ACTR3: variants seen among roughly 807,000 people sequenced by gnomAD.
ACTR3 encodes the protein actin related protein 3.
ACTR3 carries 12 observed loss-of-function variants against 56.8 expected under a neutral mutation model. That is an observed-to-expected ratio of 0.21 (90% CI 0.14 to 0.34). The LOEUF (loss-of-function observed/expected upper bound fraction) is 0.34. Ranked by LOEUF, ACTR3 falls within the 10% of genes least tolerant of loss-of-function variation. The pLI, the probability that ACTR3 is intolerant of heterozygous loss-of-function variation, is 1.00. For missense variants in ACTR3, 282 were observed against 512.5 expected, an observed-to-expected ratio of 0.55 and a Z score of 4.34; for synonymous variants, 162 against 167.4, an observed-to-expected ratio of 0.97 and a Z score of 0.25.
At chr2:113,903,158 A>G (rs1295674286) in intron 1 of ACTR3, among the ~76,000 whole-genome samples, 1 of 152,172 alleles carries the variant, frequency 6.6e-6, no homozygotes, top group African/African-American at 2.4e-5. Flanking sequence ...CCATTTCCCA[A>G]TACCTGGCAA....
chr2:113,935,237 C>T (rs10194568), intron 6 of ACTR3, among the ~76,000 whole-genome samples: 1 of 152,016 alleles, frequency 6.6e-6, no homozygotes, highest in African/African-American at 2.4e-5. Flanking sequence ...ATACAATTCA[C>T]TTCTTTAGAG....
chr2:113,932,121 TA>T (rs1294051055), intron 5 of ACTR3, among the ~76,000 whole-genome samples: 3 of 152,216 alleles, frequency 2.0e-5, no homozygotes, highest in Non-Finnish European at 2.9e-5. Context: ...CTGGTTTTTG[TA>T]ACTCCACGGT....
intron 1 of ACTR3, among the ~76,000 whole-genome samples, chr2:113,910,837 T>C (rs556761996): frequency 2.6e-5 from 4 of 152,302 alleles, no homozygotes; most frequent in African/African-American, 7.2e-5. Context: ...TTGTCCTGTT[T>C]TAGGGTATTG....
chr2:113,890,528 G>GCGGGCC, intron 1 of ACTR3: 2 of 1,358,168 alleles, frequency 1.5e-6, no homozygotes, highest in Non-Finnish European at 1.9e-6. Flanking sequence ...GGGCGGGGGC[G>GCGGGCC]CGGGCCCGAG....
rs1478897687 is a variant in ACTR3 at position 113,959,915 on chromosome 2, A to G, written c.*2460A>G. 6.6e-6 allele frequency: 1 copy of G among 152,012 alleles called. No individual in the cohort carries two copies. The highest frequency in any genetic ancestry group is 1.5e-5 in the Non-Finnish European group (1 of 67,920). The allele number at this position is 152,012 out of a possible 1,614,324, so 9.4% of individuals were successfully genotyped here. On this transcript the variant is annotated 3_prime_UTR_variant, in exon 12 of 12. Coordinates refer to ENST00000263238, the MANE Select transcript of ACTR3 (RefSeq NM_005721.5). The stretch of plus-strand genomic sequence containing the variant: ...AAAACTTGGAAAATATATTTGTATT[A>G]TTTTGGACAAATTATTTGAACTCTC...
intron 3 of ACTR3, among the ~76,000 whole-genome samples, chr2:113,925,933 G>A (rs550776292): frequency 6.6e-6 from 1 of 152,292 alleles, no homozygotes; most frequent in Non-Finnish European, 1.5e-5. Context: ...AACTTTCTCA[G>A]TGCCGTTAGG....
chr2:113,933,556 G>A (rs541951506), intron 5 of ACTR3, among the ~76,000 whole-genome samples: 84 of 152,166 alleles, frequency 5.5e-4, no homozygotes, highest in African/African-American at 2.0e-3. Context: ...GTTGTTTATA[G>A]CCATATATGT....
intron 1 of ACTR3, among the ~76,000 whole-genome samples, chr2:113,899,301 G>C (rs1679059250): frequency 6.6e-6 from 1 of 152,118 alleles, no homozygotes. Context: ...AATCTCCACT[G>C]ATGCATTACT....
intron 5 of ACTR3, 47 bp from the exon 6 acceptor site, chr2:113,934,232 G>GTTTTTTTTTT (rs5833524): frequency 1.8e-5 from 17 of 955,142 alleles, no homozygotes; most frequent in East Asian, 9.6e-5. Flanking sequence ...TTGTTTTTTT[G>GTTTTTTTTTT]TTTTTTTTTT....
intron 1 of ACTR3, among the ~76,000 whole-genome samples, chr2:113,912,051 GT>G (rs1679317029): frequency 6.6e-6 from 1 of 151,802 alleles, no homozygotes; most frequent in South Asian, 2.1e-4. Context: ...AATTTCTATA[GT>G]TTTAGTAGCG....
chr2:113,907,209 G>A (rs2104588212), intron 1 of ACTR3, among the ~76,000 whole-genome samples: 1 of 152,318 alleles, frequency 6.6e-6, no homozygotes, highest in African/African-American at 2.4e-5. Context: ...TTTGCTAAAT[G>A]TAACTTAGAG....
intron 1 of ACTR3, among the ~76,000 whole-genome samples, chr2:113,907,208 T>C (rs1679211410): frequency 6.6e-6 from 1 of 152,234 alleles, no homozygotes. Flanking sequence ...TTTTGCTAAA[T>C]GTAACTTAGA....
intron 10 of ACTR3, chr2:113,954,926 T>C (rs1259039304): frequency 1.3e-5 from 2 of 152,174 alleles, no homozygotes; most frequent in Non-Finnish European, 2.9e-5. Context: ...ATTCTCTACA[T>C]AAATTAAAAC....
At chr2:113,911,821 C>T (rs1679311257) in intron 1 of ACTR3, among the ~76,000 whole-genome samples, 1 of 151,942 alleles carries the variant, frequency 6.6e-6, no homozygotes, top group Non-Finnish European at 1.5e-5. Flanking sequence ...ACTGCAACCT[C>T]CGCCTCCTAA....
intron 6 of ACTR3, among the ~76,000 whole-genome samples, chr2:113,938,320 C>T (rs73957429): frequency 0.013 from 2,010 of 151,784 alleles, 49 homozygotes; most frequent in African/African-American, 0.046. Context: ...TTTTTCTCCT[C>T]GTTAAGTGTT....
intron 10 of ACTR3, 116 bp from the exon 11 acceptor site, chr2:113,955,507 A>G (rs1177362642): frequency 2.8e-6 from 2 of 726,852 alleles, no homozygotes; most frequent in South Asian, 2.0e-5. Flanking sequence ...GGTTTGTAAG[A>G]TACCACCTGA....
chr2:113,936,040 C>G (rs1345831909), intron 6 of ACTR3, among the ~76,000 whole-genome samples: 1 of 152,082 alleles, frequency 6.6e-6, no homozygotes, highest in Non-Finnish European at 1.5e-5. Flanking sequence ...TGCCTGTAAT[C>G]CCAGCACTTT....
intron 1 of ACTR3, among the ~76,000 whole-genome samples, chr2:113,911,266 T>C (rs1247594010): frequency 6.6e-6 from 1 of 151,640 alleles, no homozygotes; most frequent in Admixed American, 6.6e-5. Context: ...CTTTTTTGTA[T>C]ACATTACAAG....
rs80109113 is a variant in ACTR3 at position 113,943,952 on chromosome 2, C to G, written c.858+1593C>G. ...TCGTGAACACAGACACGTGGACAGG[C>G]TGAGTAAGTAGAGCCTGCAAAGAAT... is the stretch of plus-strand genomic sequence containing the variant. On this transcript the variant is annotated intron_variant, in intron 8 of 11. Transcript: ENST00000263238. Among the ~76,000 whole-genome samples, 3,653 of 152,150 alleles carry G rather than the reference C, an allele frequency of 0.024. 216 individuals carry two copies. In the East Asian group the frequency reaches 0.26, roughly 11 times the overall value.
Sources: gnomAD v4.1 joint callset for allele counts (sites outside exome capture counted in the v4.1 genomes callset) on GRCh38, gnomAD v4.1.1 for gene constraint, MANE v1.5 for transcripts, NCBI Gene and HGNC (gene_info 2026-07-23, HGNC 2026-07-21) for gene names.